IL1RAPL2: variants seen among roughly 807,000 people sequenced by gnomAD.
The protein encoded by IL1RAPL2 is interleukin 1 receptor accessory protein like 2, also known as X-linked interleukin-1 receptor accessory protein-like 2.
Under a neutral mutation model 44.1 loss-of-function variants are expected in IL1RAPL2, and 3 were observed. The observed-to-expected ratio is 0.07, with a 90% CI of 0.03 to 0.18. The LOEUF (loss-of-function observed/expected upper bound fraction) is 0.18, where lower values mean the gene tolerates loss of function less well. Ranked by LOEUF, IL1RAPL2 falls within the 10% of genes least tolerant of loss-of-function variation. The probability of loss-of-function intolerance (pLI) is 1.00; values close to 1 mark genes in which losing one functional copy is unlikely to be tolerated. For missense variants in IL1RAPL2, 391 were observed against 496.4 expected, an observed-to-expected ratio of 0.79 and a Z score of 2.02; for synonymous variants, 181 against 178.8, an observed-to-expected ratio of 1.01 and a Z score of -0.10.
At chrX:105,035,476 A>C (rs1211505531) in intron 2 of IL1RAPL2, among the ~76,000 whole-genome samples, 1 of 112,214 alleles carries the variant, frequency 8.9e-6, no homozygotes, top group Non-Finnish European at 1.9e-5. Context: ...AATCACTTTC[A>C]AAAAATTGGG....
chrX:104,982,920 T>C (rs1050730991), intron 2 of IL1RAPL2, among the ~76,000 whole-genome samples: 2 of 111,144 alleles, frequency 1.8e-5, no homozygotes, highest in Non-Finnish European at 3.8e-5. Flanking sequence ...GAAAGTGCTA[T>C]TTGTTTTTAT....
chrX:104,785,867 G>A (rs941592147), intron 2 of IL1RAPL2, among the ~76,000 whole-genome samples: 8 of 111,977 alleles, frequency 7.1e-5, no homozygotes, highest in African/African-American at 2.6e-4. Context: ...CTTCCATGTT[G>A]CTTAGTGTGA....
chrX:105,409,833 T>C (rs768593287), intron 5 of IL1RAPL2, among the ~76,000 whole-genome samples: 2 of 93,387 alleles, frequency 2.1e-5, no homozygotes, highest in South Asian at 1.2e-3. Context: ...GATAGATAGA[T>C]AGATAGATAG....
At chrX:105,219,125 G>A (rs377746539) in intron 3 of IL1RAPL2, 11 of 1,209,069 alleles carry the variant, frequency 9.1e-6, no homozygotes, top group Non-Finnish European at 1.2e-5. Flanking sequence ...TCTCTTGGGT[G>A]CTCCTGATGG....
intron 5 of IL1RAPL2, among the ~76,000 whole-genome samples, chrX:105,441,673 T>C (rs761929705): frequency 4.5e-5 from 5 of 111,893 alleles, no homozygotes; most frequent in Admixed American, 1.9e-4. Flanking sequence ...AGATTATCAA[T>C]GTCAAATTAA....
chrX:104,635,627 G>T (rs1186846337), intron 1 of IL1RAPL2, among the ~76,000 whole-genome samples: 1 of 111,613 alleles, frequency 9.0e-6, no homozygotes, highest in African/African-American at 3.3e-5. Context: ...TCTTCCAGTT[G>T]ATCGCATCGG....
intron 2 of IL1RAPL2, among the ~76,000 whole-genome samples, chrX:104,883,666 C>T (rs1228705218): frequency 9.0e-6 from 1 of 111,182 alleles, no homozygotes; most frequent in Non-Finnish European, 1.9e-5. Flanking sequence ...TCTAGTTTCT[C>T]CTATAAGAAT....
chrX:104,660,818 C>T (rs1930383410), intron 2 of IL1RAPL2, among the ~76,000 whole-genome samples: 1 of 107,725 alleles, frequency 9.3e-6, no homozygotes, highest in Non-Finnish European at 1.9e-5. Flanking sequence ...ACCTGTAGTC[C>T]TAGCTAATCA....
intron 6 of IL1RAPL2, among the ~76,000 whole-genome samples, chrX:105,493,100 G>A (rs1242941880): frequency 1.8e-5 from 2 of 112,212 alleles, no homozygotes; most frequent in Non-Finnish European, 3.8e-5. Context: ...GTTATTGCAT[G>A]TATAAGTACT....
At chrX:105,086,070 C>A (rs759870346) in intron 2 of IL1RAPL2, among the ~76,000 whole-genome samples, 1 of 111,049 alleles carries the variant, frequency 9.0e-6, no homozygotes, top group South Asian at 3.8e-4. Flanking sequence ...ATAAGTGAAC[C>A]TGCACAGTTC....
chrX:104,671,733 T>G (rs985231325), intron 2 of IL1RAPL2, among the ~76,000 whole-genome samples: 1 of 112,069 alleles, frequency 8.9e-6, no homozygotes, highest in African/African-American at 3.2e-5. Flanking sequence ...TAGATGCTTG[T>G]GGATTACTGG....
intron 1 of IL1RAPL2, among the ~76,000 whole-genome samples, chrX:104,644,330 G>T (rs1415670409): frequency 9.0e-6 from 1 of 111,325 alleles, no homozygotes; most frequent in Non-Finnish European, 1.9e-5. Flanking sequence ...CTATTGAGAA[G>T]ATATATGCCT....
intron 1 of IL1RAPL2, among the ~76,000 whole-genome samples, chrX:104,630,243 G>A (rs1394481582): frequency 9.1e-6 from 1 of 109,481 alleles, no homozygotes; most frequent in African/African-American, 3.4e-5. Flanking sequence ...CGCCTCCTGG[G>A]TTCAAGCGAT....
chrX:105,704,190 A>G (rs1220358968), intron 6 of IL1RAPL2, among the ~76,000 whole-genome samples: 2 of 112,154 alleles, frequency 1.8e-5, no homozygotes, highest in Non-Finnish European at 3.8e-5. Context: ...TCTTATATAC[A>G]ACAACAGGCT....
intron 2 of IL1RAPL2, among the ~76,000 whole-genome samples, chrX:104,767,342 T>G (rs1477876442): frequency 8.9e-6 from 1 of 112,212 alleles, no homozygotes; most frequent in African/African-American, 3.2e-5. Flanking sequence ...GGATATTTTC[T>G]GATGTCTCTG....
intron 9 of IL1RAPL2, among the ~76,000 whole-genome samples, chrX:105,750,811 T>G (rs2147585573): frequency 9.1e-6 from 1 of 110,494 alleles, no homozygotes; most frequent in South Asian, 3.9e-4. Context: ...CCCTCAGTTC[T>G]TCCTCTATAC....
At chrX:105,399,366 A>G (rs1474593074) in intron 5 of IL1RAPL2, among the ~76,000 whole-genome samples, 1 of 111,468 alleles carries the variant, frequency 9.0e-6, no homozygotes, top group Non-Finnish European at 1.9e-5. Context: ...AAATCAATGT[A>G]AACATTACCT....
At chrX:105,050,017 A>G (rs1188258021) in intron 2 of IL1RAPL2, among the ~76,000 whole-genome samples, 1 of 112,213 alleles carries the variant, frequency 8.9e-6, no homozygotes, top group Non-Finnish European at 1.9e-5. Flanking sequence ...AAAATGCAAC[A>G]CAGACTGATC....
At chrX:105,096,944 A>C (rs2032610509) in intron 2 of IL1RAPL2, among the ~76,000 whole-genome samples, 1 of 111,627 alleles carries the variant, frequency 9.0e-6, no homozygotes, top group Admixed American at 9.5e-5. Flanking sequence ...CGGACAATAC[A>C]AAAATCTATC....
Sources: gnomAD v4.1 joint callset for allele counts (sites outside exome capture counted in the v4.1 genomes callset) on GRCh38, gnomAD v4.1.1 for gene constraint, MANE v1.5 for transcripts, NCBI Gene and HGNC (gene_info 2026-07-23, HGNC 2026-07-21) for gene names.